Variants in METTL14 observed in about 807,000 individuals in gnomAD.
METTL14 encodes N(6)-adenosine-methyltransferase non-catalytic subunit METTL14.
In METTL14, 32 loss-of-function variants were observed where a neutral mutation model predicts 62.4. That is an observed-to-expected ratio of 0.51 (90% CI 0.39 to 0.69). The LOEUF (loss-of-function observed/expected upper bound fraction) is 0.69, where lower values mean the gene tolerates loss of function less well. Ranked by LOEUF, METTL14 falls within the 30% of genes least tolerant of loss-of-function variation. The pLI is 0.00. For synonymous variants in METTL14, 150 were observed against 180.0 expected, an observed-to-expected ratio of 0.83 and a Z score of 1.34; for missense variants, 340 against 551.9, an observed-to-expected ratio of 0.62 and a Z score of 3.85.
rs557881553 is a variant in METTL14, at chr4:118,709,022, T to C, written c.1067-976T>C. On this transcript the variant is annotated intron_variant, in intron 10 of 10. Transcript: ENST00000388822. ...CAATATAATTGGCAAAATAGCTGTT[T>C]ACCTACAGAAGTATAATGTGCAGTG... Among the ~76,000 whole-genome samples, 7 of 152,366 alleles carry C rather than the reference T, an allele frequency of 4.6e-5. No individual in the cohort carries two copies. The South Asian group carries it at 1.4e-3, about 32-fold the overall frequency.
At chr4:118,709,395 G>A (rs980842401) in intron 10 of METTL14, among the ~76,000 whole-genome samples, 7 of 152,216 alleles carry the variant, frequency 4.6e-5, no homozygotes, top group African/African-American at 1.7e-4. Context: ...CTTTTAGAGG[G>A]AGGAGAAGCT....
At chr4:118,685,672 C>T in intron 1 of METTL14, 72 bp downstream of exon 1, 1 of 1,347,968 alleles carries the variant, frequency 7.4e-7, no homozygotes, top group South Asian at 1.2e-5. Flanking sequence ...CCCTCCACAC[C>T]CCGCCTTTTT....
intron 1 of METTL14, chr4:118,686,741 C>A (rs901753973): frequency 2.1e-5 from 9 of 428,064 alleles, no homozygotes; most frequent in Middle Eastern, 3.4e-4. Flanking sequence ...ACGTTTTACT[C>A]CTTAATATTG....
At chr4:118,700,854 C>G (rs1247457784) in intron 8 of METTL14, among the ~76,000 whole-genome samples, 1 of 152,126 alleles carries the variant, frequency 6.6e-6, no homozygotes, top group Non-Finnish European at 1.5e-5. Context: ...ATGTGTAGCT[C>G]TTTCAAAAGA....
rs1724995681 is a variant in METTL14 at position 118,714,147 on chromosome 4, A to G, written c.*3845A>G. On this transcript the variant is annotated 3_prime_UTR_variant, in exon 11 of 11. Coordinates refer to ENST00000388822, the MANE Select transcript of METTL14 (RefSeq NM_020961.4). ...CTCTATATTAATAGAGAAGCAGGCC[A>G]AGAACTTTTTAATGGGATAATTGTC... is the stretch of plus-strand genomic sequence containing the variant. 1 of 152,252 alleles carries G rather than the reference A, an allele frequency of 6.6e-6. No homozygotes were observed. The highest frequency in any genetic ancestry group is 2.1e-4 in the South Asian group (1 of 4,834). The allele number at this position is 152,252 out of a possible 1,614,324, so 9.4% of individuals were successfully genotyped here.
chr4:118,685,937 T>C (rs79328232), intron 1 of METTL14, among the ~76,000 whole-genome samples: 1 of 152,222 alleles, frequency 6.6e-6, no homozygotes, highest in Admixed American at 6.5e-5. Context: ...TAAATGGTCA[T>C]CTATTTCTTT....
At chr4:118,694,328 A>C (rs1044718658) in intron 5 of METTL14, 108 bp from the exon 6 acceptor site, 1 of 675,700 alleles carries the variant, frequency 1.5e-6, no homozygotes, top group African/African-American at 1.8e-5. Context: ...GATATGAGTC[A>C]AGTGGCATGT....
chr4:118,703,142 T>C (rs569777027), intron 8 of METTL14, among the ~76,000 whole-genome samples: 1 of 152,128 alleles, frequency 6.6e-6, no homozygotes, highest in Non-Finnish European at 1.5e-5. Flanking sequence ...TATCTTGATA[T>C]GTACTTGATC....
At chr4:118,693,584 A>G (rs981239080) in intron 5 of METTL14, among the ~76,000 whole-genome samples, 10 of 152,306 alleles carry the variant, frequency 6.6e-5, no homozygotes, top group African/African-American at 2.4e-4. Context: ...TAGAGAAACT[A>G]ATTTTAATGT....
At chr4:118,692,226 C>CTTTTTTTTTTTTTTTT (rs11387432) in intron 5 of METTL14, among the ~76,000 whole-genome samples, 158 bp downstream of exon 5, 3 of 131,446 alleles carry the variant, frequency 2.3e-5, no homozygotes, top group Non-Finnish European at 4.8e-5. Flanking sequence ...CTTTTCTTTT[C>CTTTTTTTTTTTTTTTT]TTTTTTTTTT....
chr4:118,696,112 T>C lies in METTL14; in HGVS notation c.504-1070T>C, dbSNP rs549336837. ...CCAGCCTGGCAACAGAGTGAGACTC[T>C]GTCTCAAAAAAAAAAAAAAAAAAAA... On this transcript the variant is annotated intron_variant, in intron 6 of 10. Coordinates refer to ENST00000388822, the MANE Select transcript of METTL14 (RefSeq NM_020961.4). 5.9e-3 allele frequency among the ~76,000 whole-genome samples: 302 copies of C among 51,008 alleles called. 1 individual carries two copies. The highest frequency in any genetic ancestry group is 0.015 in the African/African-American group (274 of 18,864). 33.5% of individuals were successfully genotyped at this position (51,008 alleles called of 152,430 possible).
intron 8 of METTL14, among the ~76,000 whole-genome samples, chr4:118,702,889 G>T (rs1724639378): frequency 6.7e-6 from 1 of 149,418 alleles, no homozygotes; most frequent in Non-Finnish European, 1.5e-5. Context: ...GGTTCAGGGG[G>T]AACTCCCAAC....
chr4:118,694,134 T>C (rs1229027285), intron 5 of METTL14, among the ~76,000 whole-genome samples: 1 of 151,518 alleles, frequency 6.6e-6, no homozygotes, highest in Admixed American at 6.6e-5. Context: ...TTGTTTTTTT[T>C]TTTTTTTCCT....
At chr4:118,706,887 G>T (rs553046618) in intron 10 of METTL14, among the ~76,000 whole-genome samples, 1 of 152,170 alleles carries the variant, frequency 6.6e-6, no homozygotes, top group East Asian at 1.9e-4. Flanking sequence ...TTTTTGGTGA[G>T]ATGTCTTTTA....
chr4:118,688,897 C>T (rs1425743117), intron 2 of METTL14, among the ~76,000 whole-genome samples: 1 of 152,134 alleles, frequency 6.6e-6, no homozygotes, highest in Non-Finnish European at 1.5e-5. Flanking sequence ...TGGTCTCGAT[C>T]TCTTGACTTT....
At chr4:118,691,647 C>G (rs1467975354) in intron 4 of METTL14, 35 bp downstream of exon 4, 2 of 1,088,726 alleles carry the variant, frequency 1.8e-6, no homozygotes, top group Non-Finnish European at 2.6e-6. Flanking sequence ...TGTAACTCTT[C>G]ATATTTAAGT....
In METTL14 at chr4:118,704,999, T is replaced by C. The variant is rs1345641889; in HGVS notation, c.856-612T>C. ...ATAGTGTCAGAATTGAATTGAATTATAGTGTTGATGGAGAAGTGGAGAATT... is the reference window on the plus strand; with the variant it reads ...ATAGTGTCAGAATTGAATTGAATTACAGTGTTGATGGAGAAGTGGAGAATT... On this transcript the variant is annotated intron_variant, in intron 9 of 10. Coordinates refer to ENST00000388822, the MANE Select transcript of METTL14 (RefSeq NM_020961.4). 3.3e-5 allele frequency among the ~76,000 whole-genome samples: 5 copies of C among 152,198 alleles called. No individual in the cohort carries two copies. The South Asian group carries it at 6.2e-4, about 19-fold the overall frequency.
chr4:118,706,108 C>T (rs759005911), intron 10 of METTL14, among the ~76,000 whole-genome samples: 4 of 152,166 alleles, frequency 2.6e-5, no homozygotes, highest in Non-Finnish European at 4.4e-5. Context: ...ATCATAATCA[C>T]TCAAAGTCCA....
Position 118,712,251 on chromosome 4 carries a change from A to G in METTL14, c.*1949A>G, listed in dbSNP as rs561647073. ...TGTATTCATTGAGGAAAGGTTTCCA[A>G]TGAAATTTCATTACTCTGACCTCTT... On this transcript the variant is annotated 3_prime_UTR_variant, in exon 11 of 11. Coordinates refer to ENST00000388822, the MANE Select transcript of METTL14 (RefSeq NM_020961.4). The G allele has an allele frequency of 2.6e-4, 39 of 152,302 alleles. No homozygotes were observed. The South Asian group carries it at 2.7e-3, about 11-fold the overall frequency. 9.4% of individuals were successfully genotyped at this position (152,302 alleles called of 1,614,324 possible).
Sources: gnomAD v4.1 joint callset for allele counts (sites outside exome capture counted in the v4.1 genomes callset) on GRCh38, gnomAD v4.1.1 for gene constraint, MANE v1.5 for transcripts, NCBI Gene and HGNC (gene_info 2026-07-23, HGNC 2026-07-21) for gene names.